Variants in ARHGAP20 observed in about 807,000 individuals in gnomAD.
ARHGAP20 encodes rho GTPase-activating protein 20.
A neutral mutation model predicts 73.7 loss-of-function variants in ARHGAP20; 34 were observed. The ratio of observed to expected loss-of-function variants is 0.46; its 90% CI spans 0.35 to 0.61. The LOEUF (loss-of-function observed/expected upper bound fraction) is 0.61, where lower values mean the gene tolerates loss of function less well. Among genes scored for constraint, ARHGAP20 ranks in the 20% least tolerant of loss-of-function variants. The probability of loss-of-function intolerance (pLI) is 0.00; values close to 1 mark genes in which losing one functional copy is unlikely to be tolerated. For missense variants in ARHGAP20, 1,314 were observed against 1,420.9 expected, an observed-to-expected ratio of 0.92 and a Z score of 1.21; for synonymous variants, 523 against 518.2, an observed-to-expected ratio of 1.01 and a Z score of -0.13.
chr11:110,661,023 T>C (rs935082206), intron 2 of ARHGAP20, among the ~76,000 whole-genome samples: 8 of 152,192 alleles, frequency 5.3e-5, no homozygotes, highest in Non-Finnish European at 7.3e-5. Context: ...GAAGTTTACA[T>C]AATTCCAAAA....
At chr11:110,689,788 G>A (rs1457739228) in intron 2 of ARHGAP20, among the ~76,000 whole-genome samples, 1 of 152,092 alleles carries the variant, frequency 6.6e-6, no homozygotes, top group African/African-American at 2.4e-5. Context: ...AATCTGATCA[G>A]CAGCTTCCCA....
intron 13 of ARHGAP20, 105 bp downstream of exon 13, chr11:110,583,443 G>T (rs1242919905): frequency 2.0e-6 from 2 of 1,022,114 alleles, no homozygotes; most frequent in African/African-American, 1.6e-5. Flanking sequence ...ATAAGGATAC[G>T]GTATATTTAA....
intron 6 of ARHGAP20, 53 bp from the exon 7 acceptor site, chr11:110,611,439 G>A: frequency 2.1e-6 from 2 of 932,102 alleles, no homozygotes. Flanking sequence ...TTTAAAACAG[G>A]TTAACAAATA....
Position 110,577,325 on chromosome 11 carries a change from T to C in ARHGAP20, c.*2045A>G. ...TCTTCAAATCATACAATATAATACT[T>C]TACAGCAATATTAACAAACTATTCA... On this transcript the variant is annotated 3_prime_UTR_variant, in exon 15 of 15. Transcript: ENST00000683387. The C allele has an allele frequency of 7.9e-7, 1 of 1,272,884 alleles. No individual in the cohort carries two copies. The highest frequency in any genetic ancestry group is 9.9e-7 in the Non-Finnish European group (1 of 1,008,048). The allele number at this position is 1,272,884 out of a possible 1,614,324, so 78.8% of individuals were successfully genotyped here. A position where few individuals can be genotyped will look rare whatever the true frequency, so the allele number is the denominator to read the frequency against.
At chr11:110,663,372 G>A (rs985958185) in intron 2 of ARHGAP20, among the ~76,000 whole-genome samples, 3 of 149,460 alleles carry the variant, frequency 2.0e-5, no homozygotes, top group African/African-American at 7.3e-5. Context: ...TACTATATAA[G>A]ACATTAATAC....
At chr11:110,595,698 C>T (rs1296470441) in intron 9 of ARHGAP20, among the ~76,000 whole-genome samples, 2 of 152,088 alleles carry the variant, frequency 1.3e-5, no homozygotes, top group Non-Finnish European at 1.5e-5. Context: ...GAATCAATAT[C>T]GTGAAAATGG....
In ARHGAP20 at chr11:110,634,253, T is replaced by TAGAAGTTTAGTA. The variant is rs553298481; in HGVS notation, c.189-3462_189-3461insTACTAAACTTCT. ...ATTTGAGGAGTAAAAGGATGAGAAG[T>TAGAAGTTTAGTA]GAGGAACTAAAGGCAAAACTCTTGT... On this transcript the variant is annotated intron_variant, in intron 2 of 14. Transcript: ENST00000683387. Among the ~76,000 whole-genome samples the TAGAAGTTTAGTA allele has an allele frequency of 1.6e-4, 25 of 152,036 alleles. No individual in the cohort carries two copies. In the South Asian group the frequency reaches 5.2e-3, roughly 32 times the overall value.
At chr11:110,606,428 A>G in intron 9 of ARHGAP20, 133 bp downstream of exon 9, 1 of 984,134 alleles carries the variant, frequency 1.0e-6, no homozygotes, top group East Asian at 2.5e-5. Context: ...TCTTCTTCTA[A>G]AAGTCCATCT....
intron 5 of ARHGAP20, 78 bp from the exon 6 acceptor site, chr11:110,614,723 T>C: frequency 1.0e-6 from 1 of 980,770 alleles, no homozygotes; most frequent in East Asian, 2.7e-5. Context: ...AAAATCAATT[T>C]ATTTTGCTAA....
chr11:110,684,164 G>GT (rs141479533), intron 2 of ARHGAP20, among the ~76,000 whole-genome samples: 2,581 of 152,248 alleles, frequency 0.017, 53 homozygotes, highest in African/African-American at 0.046. Context: ...TTTATGAAGA[G>GT]TTAGAGGAGT....
At chr11:110,614,742 A>G in intron 5 of ARHGAP20, 97 bp from the exon 6 acceptor site, 1 of 756,892 alleles carries the variant, frequency 1.3e-6, no homozygotes, top group Admixed American at 2.9e-5. Context: ...AATATTTCCA[A>G]TATACTTATA....
At chr11:110,602,393 C>A (rs1346256860) in intron 9 of ARHGAP20, among the ~76,000 whole-genome samples, 1 of 152,114 alleles carries the variant, frequency 6.6e-6, no homozygotes, top group East Asian at 1.9e-4. Flanking sequence ...ATATAATATG[C>A]GTCAATGGTT....
chr11:110,671,013 T>C (rs1487656151), intron 2 of ARHGAP20, among the ~76,000 whole-genome samples: 1 of 152,086 alleles, frequency 6.6e-6, no homozygotes, highest in Non-Finnish European at 1.5e-5. Context: ...GAAATCTGAA[T>C]ATAGTATGAC....
At chr11:110,628,659 CA>C (rs1358553753) in intron 3 of ARHGAP20, among the ~76,000 whole-genome samples, 3 of 152,244 alleles carry the variant, frequency 2.0e-5, no homozygotes, top group African/African-American at 7.2e-5. Flanking sequence ...AATAATCTTT[CA>C]TAATTTGAAC....
intron 5 of ARHGAP20, 61 bp downstream of exon 5, chr11:110,615,491 GA>G (rs1948463794): frequency 6.7e-7 from 1 of 1,489,456 alleles, no homozygotes; most frequent in African/African-American, 1.4e-5. Context: ...CATCTCTGCA[GA>G]AAAGGTCTTA....
intron 2 of ARHGAP20, among the ~76,000 whole-genome samples, chr11:110,685,451 T>A (rs974226145): frequency 1.3e-5 from 2 of 151,932 alleles, no homozygotes; most frequent in Non-Finnish European, 2.9e-5. Context: ...ATATAATAAT[T>A]ACTTAGAGAA....
chr11:110,577,815 A>ACTT lies in ARHGAP20; in HGVS notation c.*1552_*1554dup, dbSNP rs1373573695. 1 of 985,742 alleles carries ACTT rather than the reference A, an allele frequency of 1.0e-6. No individual in the cohort carries two copies. The highest frequency in any genetic ancestry group is 1.1e-4 in the East Asian group (1 of 8,814). The allele number at this position is 985,742 out of a possible 1,614,324, so 61.1% of individuals were successfully genotyped here. A position where few individuals can be genotyped will look rare whatever the true frequency, so the allele number is the denominator to read the frequency against. ...AGCACCTATAGCTAATACTGAAATAACTTCTTCTATCTTAGAGAAAATATT... is the reference window on the plus strand; with the variant it reads ...AGCACCTATAGCTAATACTGAAATAACTTCTTCTTCTATCTTAGAGAAAATATT... On this transcript the variant is annotated 3_prime_UTR_variant, in exon 15 of 15. Coordinates refer to ENST00000683387, the MANE Select transcript of ARHGAP20 (RefSeq NM_001384657.1).
At chr11:110,588,201 T>G (rs1339946047) in intron 11 of ARHGAP20, among the ~76,000 whole-genome samples, 2 of 152,198 alleles carry the variant, frequency 1.3e-5, no homozygotes, top group Non-Finnish European at 1.5e-5. Flanking sequence ...GAGCCGATTC[T>G]GCACTGCAAT....
In ARHGAP20 at chr11:110,687,087, G is replaced by GAC. The variant is rs71057024; in HGVS notation, c.188+3458_188+3459dup. On this transcript the variant is annotated intron_variant, in intron 2 of 14. Coordinates refer to ENST00000683387, the MANE Select transcript of ARHGAP20 (RefSeq NM_001384657.1). ...ACACACACACACACACATATATATA[G>GAC]ACACACACACACACACACATATATT... Among the ~76,000 whole-genome samples the GAC allele has an allele frequency of 3.3e-3, 455 of 136,726 alleles. 9 individuals carry two copies. The highest frequency in any genetic ancestry group is 0.012 in the East Asian group (57 of 4,608). The allele number at this position is 136,726 out of a possible 152,430, so 89.7% of individuals were successfully genotyped here. A position where few individuals can be genotyped will look rare whatever the true frequency, so the allele number is the denominator to read the frequency against.
Sources: gnomAD v4.1 joint callset for allele counts (sites outside exome capture counted in the v4.1 genomes callset) on GRCh38, gnomAD v4.1.1 for gene constraint, MANE v1.5 for transcripts, NCBI Gene and HGNC (gene_info 2026-07-23, HGNC 2026-07-21) for gene names.